Variants in ROR2 observed in about 807,000 individuals in gnomAD.
ROR2 encodes tyrosine-protein kinase transmembrane receptor ROR2.
Under a neutral mutation model 74.9 loss-of-function variants are expected in ROR2, and 33 were observed. The observed-to-expected ratio is 0.44, with a 90% CI of 0.33 to 0.59. ROR2 has a LOEUF of 0.59. Ranked by LOEUF, ROR2 falls within the 20% of genes least tolerant of loss-of-function variation. The pLI, the probability that ROR2 is intolerant of heterozygous loss-of-function variation, is 0.02. For missense variants in ROR2, 1,216 were observed against 1,313.8 expected (o/e 0.93, Z 1.15); for synonymous variants, 586 against 558.7 (o/e 1.05, Z -0.69).
intron 1 of ROR2, among the ~76,000 whole-genome samples, chr9:91,806,979 CAG>C (rs1185741380): frequency 6.6e-6 from 1 of 152,152 alleles, no homozygotes; most frequent in Non-Finnish European, 1.5e-5. Flanking sequence ...ACTTGGGAAA[CAG>C]AATCTCTGAC....
At chr9:91,846,431 A>G (rs1307396735) in intron 1 of ROR2, among the ~76,000 whole-genome samples, 2 of 152,220 alleles carry the variant, frequency 1.3e-5, no homozygotes, top group Non-Finnish European at 2.9e-5. Flanking sequence ...AGCCAAGAAG[A>G]GAGCCCTCAC....
intron 1 of ROR2, among the ~76,000 whole-genome samples, chr9:91,840,948 G>A (rs1381675754): frequency 1.3e-5 from 2 of 152,222 alleles, no homozygotes; most frequent in East Asian, 3.8e-4. Flanking sequence ...TGGGCTGTAT[G>A]CATTAATGGC....
chr9:91,823,184 G>A (rs1229984345), intron 1 of ROR2, among the ~76,000 whole-genome samples: 3 of 152,140 alleles, frequency 2.0e-5, no homozygotes, highest in Non-Finnish European at 4.4e-5. Flanking sequence ...ACCATTAGAC[G>A]ATATCATGGG....
chr9:91,748,256 G>A (rs1370169509), intron 4 of ROR2, among the ~76,000 whole-genome samples: 1 of 149,572 alleles, frequency 6.7e-6, no homozygotes, highest in African/African-American at 2.5e-5. Flanking sequence ...CAGCCTGGGC[G>A]AAAAAGCGAG....
intron 1 of ROR2, among the ~76,000 whole-genome samples, chr9:91,854,369 T>C (rs1829209925): frequency 6.6e-6 from 1 of 152,194 alleles, no homozygotes; most frequent in African/African-American, 2.4e-5. Flanking sequence ...GGCAACACTC[T>C]CCACTACATA....
intron 1 of ROR2, among the ~76,000 whole-genome samples, chr9:91,837,150 T>TG (rs556078264): frequency 4.7e-4 from 71 of 152,032 alleles, no homozygotes; most frequent in East Asian, 2.1e-3. Flanking sequence ...TGTTTTTTTT[T>TG]TTGTTGTTGT....
intron 1 of ROR2, among the ~76,000 whole-genome samples, chr9:91,791,171 C>T (rs1826962256): frequency 6.6e-6 from 1 of 152,158 alleles, no homozygotes. Context: ...AAGCTCCATT[C>T]GTGGTAAGTG....
intron 1 of ROR2, among the ~76,000 whole-genome samples, chr9:91,924,893 G>A (rs1417002921): frequency 2.0e-5 from 3 of 152,130 alleles, no homozygotes; most frequent in African/African-American, 4.8e-5. Context: ...CATACATGCT[G>A]GAGTGCAGTG....
rs1211016694 is a variant in ROR2 at position 91,733,600 on chromosome 9, G to A, written c.623-164C>T. Among the ~76,000 whole-genome samples, 1 of 150,654 alleles carries A rather than the reference G, an allele frequency of 6.6e-6. No homozygotes were observed. Among genetic ancestry groups the A allele is most frequent in the African/African-American group, 2.4e-5 (1 of 40,828 alleles). ...CCCGAGCCCCGCACACCACCCTGGA[G>A]AGGCTCCCCACCAGCAGGCCAGCCT... On this transcript the variant is annotated intron_variant, in intron 5 of 8. Transcript: ENST00000375708. The surrounding 1 kb of genome is among the most constrained non-coding windows in gnomAD (Gnocchi z 5.7).
At chr9:91,764,704 C>T (rs1199500629) in intron 2 of ROR2, among the ~76,000 whole-genome samples, 1 of 152,196 alleles carries the variant, frequency 6.6e-6, no homozygotes, top group Non-Finnish European at 1.5e-5. Context: ...CTCACCAACA[C>T]ATCCTGCATC....
At chr9:91,761,303 G>A (rs1825907950) in intron 2 of ROR2, among the ~76,000 whole-genome samples, 1 of 152,166 alleles carries the variant, frequency 6.6e-6, no homozygotes, top group African/African-American at 2.4e-5. Context: ...TTGGTTTGGG[G>A]ATAATTCAAG....
intron 2 of ROR2, among the ~76,000 whole-genome samples, chr9:91,771,168 C>T (rs1826215007): frequency 2.0e-5 from 3 of 152,318 alleles, no homozygotes; most frequent in African/African-American, 7.2e-5. Flanking sequence ...TCAGGAATCC[C>T]CCTGCTGGCT....
At chr9:91,859,213 T>TTTTC (rs1373034019) in intron 1 of ROR2, among the ~76,000 whole-genome samples, 2 of 147,446 alleles carry the variant, frequency 1.4e-5, no homozygotes, top group East Asian at 4.1e-4. Flanking sequence ...TTTTTTTTTT[T>TTTTC]TTTTTTGAGA....
intron 7 of ROR2, 75 bp downstream of exon 7, chr9:91,730,835 G>A (rs573455283): frequency 1.9e-6 from 3 of 1,598,632 alleles, no homozygotes; most frequent in African/African-American, 1.3e-5. Context: ...CCCAACCCAG[G>A]TCAGGACAGA....
intron 2 of ROR2, among the ~76,000 whole-genome samples, chr9:91,764,873 C>T (rs1158681103): frequency 6.6e-6 from 1 of 152,196 alleles, no homozygotes; most frequent in African/African-American, 2.4e-5. Flanking sequence ...TGAGGCAATA[C>T]TGTCCTCTGG....
chr9:91,724,120 T>C lies in ROR2; in HGVS notation c.2374A>G (p.Lys792Glu), dbSNP rs1037636706. The C allele has an allele frequency of 6.2e-7, 1 of 1,610,888 alleles. No homozygotes were observed. The change falls in exon 9 of 9, where the codon AAG becomes GAG. Residue 792 changes from lysine to glutamate, a missense_variant. Coordinates refer to ENST00000375708, the MANE Select transcript of ROR2 (RefSeq NM_004560.4). The part of the protein sequence containing the change: ...SNARYVGPKQ[K>E]APPFPQPQFI... Reference sequence around the variant, plus strand: ...TGGGGCTGTGGGAAGGGCGGGGCCTTCTGCTTGGGCCCCACGTAGCGGGCG... The same window carrying C: ...TGGGGCTGTGGGAAGGGCGGGGCCTCCTGCTTGGGCCCCACGTAGCGGGCG...
chr9:91,948,685 C>G, intron 1 of ROR2: 1 of 985,544 alleles, frequency 1.0e-6, no homozygotes, highest in African/African-American at 1.7e-5. Context: ...CAGAGCGTCT[C>G]CCAGCCTGCG....
chr9:91,901,648 T>G (rs1346797282), intron 1 of ROR2, among the ~76,000 whole-genome samples: 1 of 151,944 alleles, frequency 6.6e-6, no homozygotes, highest in Non-Finnish European at 1.5e-5. Context: ...AAACCCCATC[T>G]CTACTAAAAA....
intron 1 of ROR2, among the ~76,000 whole-genome samples, chr9:91,848,740 G>A (rs990291929): frequency 6.9e-6 from 1 of 145,668 alleles, no homozygotes; most frequent in Non-Finnish European, 1.5e-5. Context: ...GGGCGACAGA[G>A]TGAGACTCCG....
Sources: gnomAD v4.1 joint callset for allele counts (sites outside exome capture counted in the v4.1 genomes callset) on GRCh38, gnomAD v4.1.1 for gene constraint, Gnocchi (gnomAD v3.1) non-coding constraint, MANE v1.5 for transcripts, NCBI Gene and HGNC (gene_info 2026-07-23, HGNC 2026-07-21) for gene names.